The following OSBP2 variants were observed in gnomAD, a reference collection of about 807,000 sequenced individuals.
The protein encoded by OSBP2 is oxysterol-binding protein 2.
Under a neutral mutation model 96.0 loss-of-function variants are expected in OSBP2, and 66 were observed. The observed-to-expected ratio is 0.69, with a 90% CI of 0.56 to 0.84. OSBP2 has a LOEUF of 0.84. OSBP2 is among the 40% of genes least tolerant of loss of function. The pLI, the probability that OSBP2 is intolerant of heterozygous loss-of-function variation, is 0.00. For synonymous variants in OSBP2, 525 were observed against 520.9 expected (o/e 1.01, Z -0.11); for missense variants, 1,038 against 1,222.7 (o/e 0.85, Z 2.25).
At chr22:30,837,275 A>AG (rs939756643) in intron 2 of OSBP2, among the ~76,000 whole-genome samples, 5 of 151,826 alleles carry the variant, frequency 3.3e-5, no homozygotes, top group East Asian at 1.9e-4. Flanking sequence ...AAAAAAAAAA[A>AG]AAAGAAAGAA....
chr22:30,749,219 T>C (rs2090043542), intron 2 of OSBP2, among the ~76,000 whole-genome samples: 1 of 152,212 alleles, frequency 6.6e-6, no homozygotes, highest in South Asian at 2.1e-4. Flanking sequence ...TGCTAATTCT[T>C]GATTTTAGCA....
chr22:30,848,502 AT>A (rs1278123128), intron 2 of OSBP2, among the ~76,000 whole-genome samples: 1 of 152,188 alleles, frequency 6.6e-6, no homozygotes, highest in Non-Finnish European at 1.5e-5. Context: ...GAGTTTTGAC[AT>A]GTATACACCT....
chr22:30,731,319 G>A (rs940120790), intron 1 of OSBP2, among the ~76,000 whole-genome samples: 3 of 152,106 alleles, frequency 2.0e-5, no homozygotes, highest in East Asian at 1.9e-4. Context: ...ACTTCACAGC[G>A]AGCTACAGAG....
In OSBP2 at chr22:30,881,940, C is replaced by A; in HGVS notation, c.1108-5486C>A. 1 of 694,534 alleles carries A rather than the reference C, an allele frequency of 1.4e-6. No homozygotes were observed. Among genetic ancestry groups the A allele is most frequent in the Non-Finnish European group, 2.1e-6 (1 of 470,326 alleles). The allele number at this position is 694,534 out of a possible 1,614,324, so 43.0% of individuals were successfully genotyped here. ...GATATTAGGGCACAGCAGTTTTCAC[C>A]CTGCCCCGCTTTTAGGTGACTGTGA... On this transcript the variant is annotated intron_variant, in intron 3 of 13. Coordinates refer to ENST00000332585, the MANE Select transcript of OSBP2 (RefSeq NM_030758.4). The surrounding 1 kb of genome is among the most constrained non-coding windows in gnomAD (Gnocchi z 4.5).
intron 2 of OSBP2, among the ~76,000 whole-genome samples, chr22:30,840,020 A>G (rs557574507): frequency 7.6e-4 from 111 of 145,772 alleles, no homozygotes; most frequent in Admixed American, 3.5e-3. Context: ...TAATTTTTGT[A>G]TAAGGTGTAA....
chr22:30,764,972 A>G (rs1466404866), intron 2 of OSBP2, among the ~76,000 whole-genome samples: 1 of 152,142 alleles, frequency 6.6e-6, no homozygotes, highest in African/African-American at 2.4e-5. Context: ...AAAACTGCAG[A>G]TTCCTAGGGC....
At position 30,722,322 on chromosome 22, in the gene OSBP2, C is replaced by T. The variant is rs1195348028; in HGVS notation, c.645-18839C>T. Among the ~76,000 whole-genome samples, 5 of 152,224 alleles carry T rather than the reference C, an allele frequency of 3.3e-5. No homozygotes were observed. The East Asian group carries it at 9.6e-4, about 29-fold the overall frequency. On this transcript the variant is annotated intron_variant, in intron 1 of 13. Transcript: ENST00000332585. ...AAATATACAAAAATGGAGATGTTGG[C>T]GTGATGAAATCCTTGTCCCCATCAC... is the stretch of plus-strand genomic sequence containing the variant.
chr22:30,807,432 A>G (rs1330848289), intron 2 of OSBP2, among the ~76,000 whole-genome samples: 1 of 152,152 alleles, frequency 6.6e-6, no homozygotes, highest in Non-Finnish European at 1.5e-5. Flanking sequence ...TTGCCCCTAT[A>G]TGCGCAAGCA....
chr22:30,694,850 GCCCCCGGCCTGC>G, upstream of OSBP2: 1 of 776,262 alleles, frequency 1.3e-6, no homozygotes, highest in African/African-American at 1.9e-5. Context: ...CCCCGGCCCC[GCCCCCGGCCTGC>G]CCCCCGCCCC....
At chr22:30,725,842 G>A (rs926028458) in intron 1 of OSBP2, among the ~76,000 whole-genome samples, 1 of 149,906 alleles carries the variant, frequency 6.7e-6, no homozygotes, top group African/African-American at 2.5e-5. Context: ...CAGGCTGAGT[G>A]CAGTGGTGCA....
intron 2 of OSBP2, among the ~76,000 whole-genome samples, chr22:30,750,290 G>C (rs1010023317): frequency 2.0e-5 from 3 of 152,178 alleles, no homozygotes; most frequent in African/African-American, 7.2e-5. Context: ...TCAAATCAGT[G>C]AATGTTTCTG....
chr22:30,858,879 CAAT>C (rs137975802), intron 2 of OSBP2, among the ~76,000 whole-genome samples: 5,531 of 141,358 alleles, frequency 0.039, 166 homozygotes, highest in African/African-American at 0.068. Context: ...GACTCTGTCT[CAAT>C]AATAATAATA....
At chr22:30,848,197 T>C (rs1224064248) in intron 2 of OSBP2, among the ~76,000 whole-genome samples, 3 of 152,192 alleles carry the variant, frequency 2.0e-5, no homozygotes, top group African/African-American at 7.2e-5. Flanking sequence ...CGTTTCCAGA[T>C]GTTTTGCTAT....
At chr22:30,839,867 T>C (rs1470612670) in intron 2 of OSBP2, among the ~76,000 whole-genome samples, 2 of 152,120 alleles carry the variant, frequency 1.3e-5, no homozygotes, top group African/African-American at 2.4e-5. Context: ...TTTGTCAATT[T>C]TGGCTTTTGT....
intron 5 of OSBP2, 58 bp downstream of exon 5, chr22:30,888,398 T>C (rs2039864387): frequency 9.8e-7 from 1 of 1,020,882 alleles, no homozygotes. Flanking sequence ...CTGCATCTGG[T>C]CTTTTCACCA....
intron 3 of OSBP2, among the ~76,000 whole-genome samples, chr22:30,875,766 G>T (rs142807409): frequency 1.3e-5 from 2 of 152,296 alleles, no homozygotes; most frequent in East Asian, 3.9e-4. Context: ...CAGCAGCCCC[G>T]TCATGAACTC....
chr22:30,907,256 TCCTAGGAGGCC>T lies in OSBP2; in HGVS notation c.*924_*934del, dbSNP rs2040352206. The T allele has an allele frequency of 6.6e-6, 1 of 152,452 alleles. No individual in the cohort carries two copies. The allele number at this position is 152,452 out of a possible 1,614,324, so 9.4% of individuals were successfully genotyped here. ...ACCAGAGACCTTGCATCCCTCCTCA[TCCTAGGAGGCC>T]CCTAGGGGTGCCCCATCTCAGTGTC... On this transcript the variant is annotated 3_prime_UTR_variant, in exon 14 of 14. Transcript: ENST00000332585.
chr22:30,857,449 C>T (rs561994653), intron 2 of OSBP2, among the ~76,000 whole-genome samples: 23 of 152,242 alleles, frequency 1.5e-4, no homozygotes, highest in South Asian at 1.2e-3. Context: ...TTGGGTGGGC[C>T]GGAAATAGTC....
intron 1 of OSBP2, among the ~76,000 whole-genome samples, chr22:30,708,141 G>A (rs1423753571): frequency 2.0e-5 from 3 of 152,072 alleles, no homozygotes; most frequent in African/African-American, 7.2e-5. Flanking sequence ...ACCTGCCTCA[G>A]CCTCCCAAAA....
Sources: allele counts gnomAD v4.1 joint callset (sites outside exome capture counted in the v4.1 genomes callset), GRCh38; gene constraint gnomAD v4.1.1; non-coding constraint Gnocchi (gnomAD v3.1); transcripts MANE v1.5; gene names NCBI Gene and HGNC (gene_info 2026-07-23, HGNC 2026-07-21).